Variants in NETO1 observed in about 807,000 individuals in gnomAD.
NETO1 encodes the protein neuropilin and tolloid-like protein 1.
Under a neutral mutation model 61.3 loss-of-function variants are expected in NETO1, and 26 were observed. The observed-to-expected ratio is 0.42, with a 90% CI of 0.31 to 0.59. The LOEUF is 0.59. Ranked by LOEUF, NETO1 falls within the 20% of genes least tolerant of loss-of-function variation. NETO1 has a pLI of 0.12. For missense variants in NETO1, 531 were observed against 662.8 expected (o/e 0.80, Z 2.18); for synonymous variants, 225 against 225.8 (o/e 1.00, Z 0.03).
intron 4 of NETO1, among the ~76,000 whole-genome samples, chr18:72,826,762 C>A (rs767708865): frequency 2.6e-5 from 4 of 152,232 alleles, no homozygotes; most frequent in South Asian, 4.2e-4. Context: ...AGTGTTCCCC[C>A]ACAACTCAGG....
chr18:72,815,470 A>G (rs1247876453), intron 4 of NETO1, among the ~76,000 whole-genome samples: 1 of 152,128 alleles, frequency 6.6e-6, no homozygotes, highest in Admixed American at 6.5e-5. Flanking sequence ...AAGAAAGACA[A>G]CACAACATAA....
chr18:72,772,441 G>T (rs74976828), intron 7 of NETO1, among the ~76,000 whole-genome samples: 2 of 151,934 alleles, frequency 1.3e-5, no homozygotes, highest in Non-Finnish European at 2.9e-5. Flanking sequence ...TAAATCTGGT[G>T]CAGACCCTGG....
chr18:72,786,862 G>A (rs2145244961), intron 6 of NETO1, among the ~76,000 whole-genome samples: 1 of 150,802 alleles, frequency 6.6e-6, no homozygotes, highest in Admixed American at 6.6e-5. Flanking sequence ...TTAGAAAGCT[G>A]GAGGTTGCGC....
chr18:72,829,163 ATGGAT>A (rs2073490401), intron 4 of NETO1, among the ~76,000 whole-genome samples: 1 of 152,250 alleles, frequency 6.6e-6, no homozygotes, highest in Admixed American at 6.5e-5. Flanking sequence ...TAAAAAAAGA[ATGGAT>A]TGAAGAAGAC....
chr18:72,813,000 A>G (rs976663610), intron 4 of NETO1, among the ~76,000 whole-genome samples: 3 of 152,322 alleles, frequency 2.0e-5, no homozygotes, highest in Admixed American at 2.0e-4. Context: ...AGGACCTCAG[A>G]TGTCTAACCA....
chr18:72,860,259 C>T (rs2074529910), intron 3 of NETO1, among the ~76,000 whole-genome samples: 1 of 152,210 alleles, frequency 6.6e-6, no homozygotes, highest in South Asian at 2.1e-4. Flanking sequence ...AGGGACTAAG[C>T]CCCTGTAGAC....
intron 4 of NETO1, among the ~76,000 whole-genome samples, chr18:72,821,479 C>T (rs1287146910): frequency 6.7e-6 from 1 of 148,928 alleles, no homozygotes; most frequent in African/African-American, 2.5e-5. Context: ...GCAGGAGAAT[C>T]GCTTGAACCT....
At chr18:72,760,228 A>G (rs1377801304) in intron 7 of NETO1, among the ~76,000 whole-genome samples, 1 of 152,218 alleles carries the variant, frequency 6.6e-6, no homozygotes, top group Non-Finnish European at 1.5e-5. Flanking sequence ...GTGTATAAGC[A>G]TATCATTGCT....
Position 72,867,348 on chromosome 18 carries a change from G to A in NETO1, c.-57C>T. On this transcript the variant is annotated 5_prime_UTR_variant, in exon 1 of 11. Transcript: ENST00000327305. Reference sequence around the variant, plus strand: ...CACTAATTCCATTTAGAGACGGGAAGACTTCCAGTGGCGGGGGGAGGACAG... The same window carrying A: ...CACTAATTCCATTTAGAGACGGGAAAACTTCCAGTGGCGGGGGGAGGACAG... 1 of 1,476,816 alleles carries A rather than the reference G, an allele frequency of 6.8e-7. No individual in the cohort carries two copies. Among genetic ancestry groups the A allele is most frequent in the Admixed American group, 2.0e-5 (1 of 49,894 alleles). 91.5% of individuals were successfully genotyped at this position (1,476,816 alleles called of 1,614,324 possible). A position where few individuals can be genotyped will look rare whatever the true frequency, so the allele number is the denominator to read the frequency against.
Position 72,865,755 on chromosome 18 carries a change from G to C in NETO1, c.29-514C>G. The C allele has an allele frequency of 2.1e-6, 3 of 1,407,518 alleles. No homozygotes were observed. The South Asian group carries it at 4.3e-5, about 20-fold the overall frequency. 87.2% of individuals were successfully genotyped at this position (1,407,518 alleles called of 1,614,324 possible). A position where few individuals can be genotyped will look rare whatever the true frequency, so the allele number is the denominator to read the frequency against. On this transcript the variant is annotated intron_variant, in intron 1 of 10. Transcript: ENST00000327305. ...TACAGACTGTGGAGGAGGAGAATAA[G>C]CAAGAAACAGATTAATGTGGATTGT...
chr18:72,809,630 A>G (rs766476635), intron 4 of NETO1, among the ~76,000 whole-genome samples: 3 of 152,282 alleles, frequency 2.0e-5, no homozygotes, highest in South Asian at 2.1e-4. Flanking sequence ...TAATTCAAAG[A>G]ATATCTCAAA....
At chr18:72,808,627 G>A (rs1414397562) in intron 4 of NETO1, among the ~76,000 whole-genome samples, 1 of 152,134 alleles carries the variant, frequency 6.6e-6, no homozygotes, top group Middle Eastern at 3.2e-3. Context: ...AAGCATCATG[G>A]CAAAGCCTTG....
At chr18:72,834,248 C>T in intron 4 of NETO1, 2 of 737,356 alleles carry the variant, frequency 2.7e-6, no homozygotes, top group Non-Finnish European at 3.3e-6. Context: ...TTTTAACTAT[C>T]CTTAAAATGA....
Position 72,750,081 on chromosome 18 carries a change from G to T in NETO1, c.1522C>A (p.His508Asn). ...VPTTSHRLSR[H>N]DKAVQRFCLI... ...ACTGACCGCTGGACGGCTTTATCGT[G>T]TCTGGACAGCCTGTGACTGGTGGTC... is the stretch of plus-strand genomic sequence containing the variant. Residue 508 changes from histidine (H) to asparagine (N), a missense_variant, in exon 9 of 11, where the codon CAC (histidine) becomes AAC (asparagine). His to Asn is a moderately conservative substitution (Grantham distance 68). Transcript: ENST00000327305. 1.3e-6 allele frequency: 2 copies of T among 1,598,536 alleles called. No homozygotes were observed. The highest frequency in any genetic ancestry group is 8.5e-7 in the Non-Finnish European group (1 of 1,172,200).
intron 7 of NETO1, among the ~76,000 whole-genome samples, chr18:72,772,793 TTCTC>T (rs71166423): frequency 1.7e-3 from 101 of 58,884 alleles, no homozygotes; most frequent in South Asian, 2.9e-3. Context: ...CTCTATATAG[TTCTC>T]TCTCTCTCTC....
intron 4 of NETO1, among the ~76,000 whole-genome samples, chr18:72,815,591 T>C (rs1555692355): frequency 1.3e-5 from 2 of 152,138 alleles, no homozygotes; most frequent in Non-Finnish European, 1.5e-5. Context: ...GCAATTAAAA[T>C]AACAACGTGT....
chr18:72,758,793 G>A (rs993925021), intron 7 of NETO1, among the ~76,000 whole-genome samples: 4 of 152,026 alleles, frequency 2.6e-5, no homozygotes, highest in African/African-American at 9.7e-5. Context: ...CCGAGATTGC[G>A]CCACTGTACT....
chr18:72,828,432 C>G (rs985967192), intron 4 of NETO1, among the ~76,000 whole-genome samples: 1 of 149,414 alleles, frequency 6.7e-6, no homozygotes, highest in African/African-American at 2.5e-5. Flanking sequence ...CAGAATACTA[C>G]TGTAGATATA....
At chr18:72,782,449 C>A (rs148433460) in intron 7 of NETO1, among the ~76,000 whole-genome samples, 204 of 152,258 alleles carry the variant, frequency 1.3e-3, no homozygotes, top group Middle Eastern at 6.8e-3. Context: ...ACCAGCAGTG[C>A]GTAAGTGTTC....
Sources: gnomAD v4.1 joint callset for allele counts (sites outside exome capture counted in the v4.1 genomes callset) on GRCh38, gnomAD v4.1.1 for gene constraint, MANE v1.5 for transcripts, NCBI Gene and HGNC (gene_info 2026-07-23, HGNC 2026-07-21) for gene names.